The following PTP4A3 variants were observed in gnomAD, a reference collection of about 807,000 sequenced individuals.
PTP4A3 encodes protein tyrosine phosphatase type IVA 3.
PTP4A3 carries 9 observed loss-of-function variants against 15.2 expected under a neutral mutation model. The ratio of observed to expected loss-of-function variants is 0.59; its 90% CI spans 0.36 to 1.03. The LOEUF (loss-of-function observed/expected upper bound fraction) is 1.03, where lower values mean the gene tolerates loss of function less well. PTP4A3 is among the 50% of genes least tolerant of loss of function. The pLI is 0.02. For missense variants in PTP4A3, 234 were observed against 252.1 expected (o/e 0.93, Z 0.49); for synonymous variants, 95 against 102.0 (o/e 0.93, Z 0.41).
intron 1 of PTP4A3, among the ~76,000 whole-genome samples, chr8:141,417,883 A>G (rs1833125542): frequency 6.6e-6 from 1 of 151,790 alleles, no homozygotes; most frequent in Admixed American, 6.6e-5. Flanking sequence ...CGGGCGCTAT[A>G]AATAGCCGCA....
At position 141,422,133 on chromosome 8, in the gene PTP4A3, A is replaced by C; in HGVS notation, c.-108A>C. 9.7e-7 allele frequency: 1 copy of C among 1,028,376 alleles called. No homozygotes were observed. Among genetic ancestry groups the C allele is most frequent in the East Asian group, 2.4e-5 (1 of 41,468 alleles). The allele number at this position is 1,028,376 out of a possible 1,614,324, so 63.7% of individuals were successfully genotyped here. A position where few individuals can be genotyped will look rare whatever the true frequency, so the allele number is the denominator to read the frequency against. On this transcript the variant is annotated 5_prime_UTR_variant, in exon 2 of 6. Transcript: ENST00000521578. ...AATCTCGTTTCTCTTGGACAAGCAC[A>C]GGGATCTCGTTCTCCTCATTTTTTG...
At position 141,431,104 on chromosome 8, in the gene PTP4A3, G is replaced by A; in HGVS notation, c.*60G>A. Reference sequence around the variant, plus strand: ...GTCAGGACCTTGGCTGGACCTGGAGGCCCTGCCCAGCCCTGCTCTGCCCAG... The same window carrying A: ...GTCAGGACCTTGGCTGGACCTGGAGACCCTGCCCAGCCCTGCTCTGCCCAG... On this transcript the variant is annotated 3_prime_UTR_variant, in exon 6 of 6. Transcript: ENST00000521578. 2 of 1,497,942 alleles carry A rather than the reference G, an allele frequency of 1.3e-6. No individual in the cohort carries two copies. The highest frequency in any genetic ancestry group is 9.3e-7 in the Non-Finnish European group (1 of 1,077,132). The allele number at this position is 1,497,942 out of a possible 1,614,324, so 92.8% of individuals were successfully genotyped here. A position where few individuals can be genotyped will look rare whatever the true frequency, so the allele number is the denominator to read the frequency against.
At position 141,426,968 on chromosome 8, in the gene PTP4A3, G is replaced by A. The variant is rs370957992; in HGVS notation, c.228G>A (p.Pro76=). 4.1e-5 allele frequency: 66 copies of A among 1,610,122 alleles called. No homozygotes were observed. Among genetic ancestry groups the A allele is most frequent in the Non-Finnish European group, 4.8e-5 (57 of 1,179,860 alleles). Residue 76 remains proline (P), a synonymous_variant, in exon 4 of 6, where the codon CCG becomes CCA. Transcript: ENST00000521578. The stretch of plus-strand genomic sequence containing the variant: ...GGCCGTTTGACGATGGGGCGCCCCC[G>A]CCCGGCAAGGTAGTGGAAGACTGGC... The part of the protein sequence containing the change: ...VDWPFDDGAP[P]PGKVVEDWLS...
rs749538631 is a variant in PTP4A3 at position 141,418,667 on chromosome 8, C to G, written c.-853-2721C>G. 1.6e-3 allele frequency among the ~76,000 whole-genome samples: 243 copies of G among 152,192 alleles called. 2 individuals carry two copies. In the Middle Eastern group the frequency reaches 0.027, roughly 17 times the overall value. On this transcript the variant is annotated intron_variant, in intron 1 of 5. Transcript: ENST00000521578. ...GGTAGCAGGAGGGAAAGAGGGGCCA[C>G]GGCTGCCAGTGGGTCCCCGTGCTGT...
intron 1 of PTP4A3, among the ~76,000 whole-genome samples, chr8:141,405,895 G>A (rs987295998): frequency 3.3e-5 from 5 of 152,120 alleles, no homozygotes; most frequent in African/African-American, 9.7e-5. Flanking sequence ...GCAAGGGCTC[G>A]GAGGCAGGAC....
At position 141,431,364 on chromosome 8, in the gene PTP4A3, C is replaced by G. The variant is rs144732467; in HGVS notation, c.*320C>G. ...ACCAGCCAGGCTGGTCTCCTCTAGC[C>G]TGTTTGTTGTGGGGTGGGGGTATAT... On this transcript the variant is annotated 3_prime_UTR_variant, in exon 6 of 6. Coordinates refer to ENST00000521578, the MANE Select transcript of PTP4A3 (RefSeq NM_032611.3). 6.2e-3 allele frequency: 2,554 copies of G among 410,658 alleles called. 60 individuals carry two copies. The highest frequency in any genetic ancestry group is 0.047 in the African/African-American group (2,330 of 49,208). 25.4% of individuals were successfully genotyped at this position (410,658 alleles called of 1,614,324 possible). A position where few individuals can be genotyped will look rare whatever the true frequency, so the allele number is the denominator to read the frequency against.
At chr8:141,427,640 G>A (rs1484508975) in intron 4 of PTP4A3, 110 bp from the exon 5 acceptor site, 11 of 903,318 alleles carry the variant, frequency 1.2e-5, no homozygotes, top group Non-Finnish European at 1.8e-5. Context: ...TCAGGCAGGG[G>A]GGATTCTGGG....
In PTP4A3 at chr8:141,399,494, C is replaced by T. The variant is rs534475674; in HGVS notation, c.-854+7410C>T. On this transcript the variant is annotated intron_variant, in intron 1 of 5. Transcript: ENST00000521578. The stretch of plus-strand genomic sequence containing the variant: ...TGGCCTCCCTGTCCCCTCCGCATGG[C>T]CCTGGGGAGCTACAAGGCCTGGCCC... Among the ~76,000 whole-genome samples the T allele has an allele frequency of 2.6e-5, 4 of 152,304 alleles. No individual in the cohort carries two copies. The South Asian group carries it at 8.3e-4, about 32-fold the overall frequency.
At chr8:141,429,094 C>T (rs1028330678) in intron 5 of PTP4A3, among the ~76,000 whole-genome samples, 9 of 152,260 alleles carry the variant, frequency 5.9e-5, no homozygotes, top group Non-Finnish European at 1.2e-4. Flanking sequence ...GCCTGAACCC[C>T]AACGACTCAG....
chr8:141,402,946 G>C (rs1429752474), intron 1 of PTP4A3, among the ~76,000 whole-genome samples: 1 of 152,294 alleles, frequency 6.6e-6, no homozygotes, highest in South Asian at 2.1e-4. Flanking sequence ...TGGCCAGCGG[G>C]CCGGTCCAGA....
rs1038431375 is a variant in PTP4A3, at chr8:141,425,995, C to T, written c.198+855C>T. Among the ~76,000 whole-genome samples the T allele has an allele frequency of 3.3e-5, 5 of 152,192 alleles. No homozygotes were observed. The highest frequency in any genetic ancestry group is 4.8e-5 in the African/African-American group (2 of 41,440). ...AGAATGGGAGGCAAAGGCATGTCCC[C>T]GCTTCTCGCACGGGGTGCGCCCACA... On this transcript the variant is annotated intron_variant, in intron 3 of 5. Transcript: ENST00000521578. The surrounding 1 kb of genome is among the most constrained non-coding windows in gnomAD (Gnocchi z 4.2).
At chr8:141,417,175 T>G (rs939769434) in intron 1 of PTP4A3, among the ~76,000 whole-genome samples, 1 of 152,110 alleles carries the variant, frequency 6.6e-6, no homozygotes, top group Non-Finnish European at 1.5e-5. Context: ...AGAGGGGGCA[T>G]CAGTGCCGAG....
intron 2 of PTP4A3, among the ~76,000 whole-genome samples, chr8:141,424,608 G>T (rs1833481493): frequency 6.6e-6 from 1 of 152,172 alleles, no homozygotes. Flanking sequence ...CTTGCTGGTA[G>T]ATCTGGGGTC....
chr8:141,417,534 CCAGGAGCGCGG>C (rs1833104887), intron 1 of PTP4A3, among the ~76,000 whole-genome samples: 2 of 152,102 alleles, frequency 1.3e-5, no homozygotes, highest in African/African-American at 4.8e-5. Context: ...GGCCTCCCCA[CCAGGAGCGCGG>C]CCCGGCGGCT....
intron 1 of PTP4A3, among the ~76,000 whole-genome samples, chr8:141,415,105 G>A (rs1171723342): frequency 1.3e-5 from 2 of 152,132 alleles, no homozygotes; most frequent in Non-Finnish European, 2.9e-5. Flanking sequence ...AGGATGAAGT[G>A]AGGGCCTGCT....
In PTP4A3 at chr8:141,405,693, G is replaced by A. The variant is rs368312335; in HGVS notation, c.-854+13609G>A. On this transcript the variant is annotated intron_variant, in intron 1 of 5. Coordinates refer to ENST00000521578, the MANE Select transcript of PTP4A3 (RefSeq NM_032611.3). ...CTGTGGCCGGTCTCTTGTCCTGCGT[G>A]GGGAGAGAGGCTGACAAGCTTTGCC... 5.5e-3 allele frequency among the ~76,000 whole-genome samples: 833 copies of A among 152,162 alleles called. 3 individuals are homozygous for A. The highest frequency in any genetic ancestry group is 0.019 in the African/African-American group (803 of 41,504).
intron 4 of PTP4A3, 140 bp downstream of exon 4, chr8:141,427,209 T>TC: frequency 8.0e-7 from 1 of 1,243,344 alleles, no homozygotes; most frequent in Non-Finnish European, 1.1e-6. Context: ...GTGCTGGGGC[T>TC]CCCAGACTGG....
chr8:141,404,863 T>C (rs1832685467), intron 1 of PTP4A3, among the ~76,000 whole-genome samples: 1 of 152,084 alleles, frequency 6.6e-6, no homozygotes, highest in East Asian at 1.9e-4. Flanking sequence ...AGCCTTTACA[T>C]ATAAAGGGCA....
chr8:141,397,331 C>A (rs548776305), intron 1 of PTP4A3, among the ~76,000 whole-genome samples: 9 of 152,102 alleles, frequency 5.9e-5, no homozygotes, highest in Admixed American at 5.9e-4. Context: ...CAGTGGGGGG[C>A]TCTCTGAAGG....
Sources: gnomAD v4.1 joint callset for allele counts (sites outside exome capture counted in the v4.1 genomes callset) on GRCh38, gnomAD v4.1.1 for gene constraint, Gnocchi (gnomAD v3.1) non-coding constraint, MANE v1.5 for transcripts, NCBI Gene and HGNC (gene_info 2026-07-23, HGNC 2026-07-21) for gene names.